Variants in ZNF407 observed in about 807,000 individuals in gnomAD.
ZNF407 encodes the protein zinc finger protein 407.
ZNF407 carries 17 observed loss-of-function variants against 131.2 expected under a neutral mutation model. That is an observed-to-expected ratio of 0.13 (90% confidence interval 0.09 to 0.19). ZNF407 has a LOEUF of 0.19. Ranked by LOEUF, ZNF407 falls within the 10% of genes least tolerant of loss-of-function variation. The pLI, the probability that ZNF407 is intolerant of heterozygous loss-of-function variation, is 1.00. For synonymous variants in ZNF407, 1,156 were observed against 1,062.0 expected (o/e 1.09, Z -1.72); for missense variants, 2,681 against 2,830.6 (o/e 0.95, Z 1.20).
chr18:74,850,536 T>C (rs764920724), intron 4 of ZNF407, among the ~76,000 whole-genome samples: 1 of 152,182 alleles, frequency 6.6e-6, no homozygotes, highest in Non-Finnish European at 1.5e-5. Flanking sequence ...TGCCAGTGGG[T>C]CTAATCTATG....
intron 3 of ZNF407, among the ~76,000 whole-genome samples, chr18:74,674,579 G>A (rs961620324): frequency 6.6e-6 from 1 of 151,974 alleles, no homozygotes; most frequent in African/African-American, 2.4e-5. Context: ...ATCTCTCTTT[G>A]TAGTCTTATT....
chr18:74,737,762 A>G (rs1599111898), intron 3 of ZNF407, among the ~76,000 whole-genome samples: 1 of 152,322 alleles, frequency 6.6e-6, no homozygotes, highest in East Asian at 1.9e-4. Context: ...AGTGTCTCAT[A>G]ATCTTGTAGT....
At chr18:75,047,928 G>T (rs1348236738) in intron 8 of ZNF407, among the ~76,000 whole-genome samples, 1 of 152,212 alleles carries the variant, frequency 6.6e-6, no homozygotes, top group Non-Finnish European at 1.5e-5. Context: ...AGTGAGTAGA[G>T]ACGAAGGTAA....
At chr18:74,709,940 C>T (rs1967717159) in intron 3 of ZNF407, among the ~76,000 whole-genome samples, 1 of 152,010 alleles carries the variant, frequency 6.6e-6, no homozygotes, top group Admixed American at 6.5e-5. Context: ...TGAAATGTTA[C>T]CATATTTCAT....
intron 4 of ZNF407, among the ~76,000 whole-genome samples, chr18:74,851,680 T>C (rs769711366): frequency 6.6e-6 from 1 of 152,198 alleles, no homozygotes; most frequent in Non-Finnish European, 1.5e-5. Context: ...ATTCTTGATT[T>C]ATTTTATTCC....
intron 8 of ZNF407, among the ~76,000 whole-genome samples, chr18:75,060,680 T>C (rs1280494110): frequency 2.6e-5 from 4 of 151,914 alleles, no homozygotes; most frequent in African/African-American, 4.8e-5. Context: ...TAATTTTTTG[T>C]ATTTTTAGTA....
At chr18:74,945,975 A>G (rs932173310) in intron 8 of ZNF407, among the ~76,000 whole-genome samples, 2 of 152,198 alleles carry the variant, frequency 1.3e-5, no homozygotes, top group Non-Finnish European at 2.9e-5. Context: ...GTAACGCTGC[A>G]TTTCAATACT....
intron 4 of ZNF407, among the ~76,000 whole-genome samples, chr18:74,817,510 A>G (rs1161401312): frequency 6.6e-6 from 1 of 152,174 alleles, no homozygotes; most frequent in African/African-American, 2.4e-5. Context: ...TTATATGTAA[A>G]AATAGGTAAC....
chr18:74,712,790 G>T (rs1484942717), intron 3 of ZNF407, among the ~76,000 whole-genome samples: 1 of 152,176 alleles, frequency 6.6e-6, no homozygotes, highest in Non-Finnish European at 1.5e-5. Flanking sequence ...GCTGTCAGTT[G>T]GCTATCCAGG....
Position 74,994,312 on chromosome 18 carries a change from AAG to A in ZNF407, c.5429-68833_5429-68832del, listed in dbSNP as rs1292959039. Among the ~76,000 whole-genome samples the A allele has an allele frequency of 3.9e-5, 6 of 152,348 alleles. No individual in the cohort carries two copies. In the East Asian group the frequency reaches 9.6e-4, roughly 24 times the overall value. On this transcript the variant is annotated intron_variant, in intron 8 of 8. Transcript: ENST00000299687. ...AACATTTACAATGAGATAAAAGTAT[AAG>A]AGAGTAGTTCTTTGTGCCATCCTTG...
At chr18:74,863,844 C>T (rs1368437303) in intron 4 of ZNF407, among the ~76,000 whole-genome samples, 2 of 152,170 alleles carry the variant, frequency 1.3e-5, no homozygotes, top group Non-Finnish European at 2.9e-5. Context: ...TTTGCTGTTA[C>T]TATTCCACCA....
chr18:74,861,916 A>G (rs948767609), intron 4 of ZNF407, among the ~76,000 whole-genome samples: 1 of 152,182 alleles, frequency 6.6e-6, no homozygotes, highest in African/African-American at 2.4e-5. Context: ...TTAATTCTGA[A>G]TTTATGACTT....
Position 74,631,873 on chromosome 18 carries a change from C to A in ZNF407, c.854C>A (p.Thr285Lys). 2 of 1,613,812 alleles carry A rather than the reference C, an allele frequency of 1.2e-6. No individual in the cohort carries two copies. The highest frequency in any genetic ancestry group is 1.7e-6 in the Non-Finnish European group (2 of 1,179,862). Reference sequence around the variant, plus strand: ...CGTGGAGGATTTGTACAGATCTTAACAAAACAACCTTTTCCTAAAAAATCA... The same window carrying A: ...CGTGGAGGATTTGTACAGATCTTAAAAAAACAACCTTTTCCTAAAAAATCA... ...AARGGFVQIL[T>K]KQPFPKKSRT... Residue 285 changes from threonine to lysine, a missense_variant, in exon 2 of 9, where the codon ACA becomes AAA. Coordinates refer to ENST00000299687, the MANE Select transcript of ZNF407 (RefSeq NM_017757.3).
At chr18:74,948,925 C>G (rs184096602) in intron 8 of ZNF407, among the ~76,000 whole-genome samples, 56 of 152,266 alleles carry the variant, frequency 3.7e-4, no homozygotes, top group Admixed American at 8.5e-4. Context: ...ATAAAGGTTT[C>G]ATTTCAGTAT....
At chr18:74,875,455 G>A (rs918301756) in intron 4 of ZNF407, among the ~76,000 whole-genome samples, 3 of 152,134 alleles carry the variant, frequency 2.0e-5, no homozygotes, top group African/African-American at 7.2e-5. Context: ...TCATAAAGTT[G>A]TAATAAAATC....
chr18:75,007,545 C>A (rs1354292249), intron 8 of ZNF407, among the ~76,000 whole-genome samples: 2 of 152,194 alleles, frequency 1.3e-5, no homozygotes, highest in Non-Finnish European at 2.9e-5. Flanking sequence ...TGAAAATGAA[C>A]CTCCACCAAC....
At chr18:74,728,183 T>C (rs1356369435) in intron 3 of ZNF407, among the ~76,000 whole-genome samples, 5 of 152,200 alleles carry the variant, frequency 3.3e-5, no homozygotes, top group Non-Finnish European at 5.9e-5. Flanking sequence ...AAAGAGAATA[T>C]GACCTTGAGA....
At chr18:74,974,773 T>C (rs908405832) in intron 8 of ZNF407, among the ~76,000 whole-genome samples, 14 of 152,182 alleles carry the variant, frequency 9.2e-5, no homozygotes, top group Admixed American at 7.2e-4. Flanking sequence ...TATTATCACT[T>C]TAAGTATGGG....
chr18:74,946,446 T>A (rs1568279240), intron 8 of ZNF407, among the ~76,000 whole-genome samples: 1 of 152,236 alleles, frequency 6.6e-6, no homozygotes, highest in Non-Finnish European at 1.5e-5. Context: ...TGATTTTTAG[T>A]AATCAAATTA....
Sources: allele counts gnomAD v4.1 joint callset (sites outside exome capture counted in the v4.1 genomes callset), GRCh38; gene constraint gnomAD v4.1.1; transcripts MANE v1.5; gene names NCBI Gene and HGNC (gene_info 2026-07-23, HGNC 2026-07-21).